PUS10: variants seen among roughly 807,000 people sequenced by gnomAD.
PUS10 encodes pseudouridine synthase 10.
A neutral mutation model predicts 75.0 loss-of-function variants in PUS10; 59 were observed. The ratio of observed to expected loss-of-function variants is 0.79; its 90% CI spans 0.64 to 0.98. The LOEUF is 0.98. Among genes scored for constraint, PUS10 ranks in the 50% least tolerant of loss-of-function variants. The probability of loss-of-function intolerance (pLI) is 0.00; values close to 1 mark genes in which losing one functional copy is unlikely to be tolerated. For missense variants in PUS10, 650 were observed against 614.4 expected (o/e 1.06, Z -0.61); for synonymous variants, 219 against 211.6 (o/e 1.03, Z -0.30).
At chr2:60,947,507 T>A (rs774287564) in intron 16 of PUS10, among the ~76,000 whole-genome samples, 3 of 152,208 alleles carry the variant, frequency 2.0e-5, no homozygotes, top group Non-Finnish European at 2.9e-5. Context: ...TTGAACTGAC[T>A]GCTACCTCAG....
At chr2:60,963,173 A>T (rs1676134676) in intron 8 of PUS10, among the ~76,000 whole-genome samples, 1 of 152,204 alleles carries the variant, frequency 6.6e-6, no homozygotes, top group African/African-American at 2.4e-5. Flanking sequence ...ACACTGTCCC[A>T]CTTCTCTCAA....
intron 4 of PUS10, among the ~76,000 whole-genome samples, chr2:60,979,887 T>C (rs925009007): frequency 6.6e-6 from 1 of 152,192 alleles, no homozygotes; most frequent in Non-Finnish European, 1.5e-5. Flanking sequence ...TGGGGCCAAA[T>C]TAGGTTTTAC....
At chr2:60,989,257 TGCAAAA>T (rs2104550072) in intron 4 of PUS10, among the ~76,000 whole-genome samples, 2 of 152,246 alleles carry the variant, frequency 1.3e-5, no homozygotes, top group African/African-American at 4.8e-5. Flanking sequence ...ATTGACTGTT[TGCAAAA>T]GAGGCAGATT....
chr2:60,964,927 A>G, intron 8 of PUS10, 131 bp downstream of exon 8: 1 of 820,052 alleles, frequency 1.2e-6, no homozygotes, highest in South Asian at 1.7e-5. Flanking sequence ...TAGCAAATGG[A>G]AATATTTAAA....
chr2:60,991,655 ATTT>A (rs1678086242), intron 4 of PUS10, among the ~76,000 whole-genome samples: 4 of 152,154 alleles, frequency 2.6e-5, no homozygotes, highest in Non-Finnish European at 5.9e-5. Flanking sequence ...GGGAGTACCA[ATTT>A]AATTAGTACT....
chr2:60,952,492 T>C (rs559306683), intron 15 of PUS10, among the ~76,000 whole-genome samples: 1 of 152,314 alleles, frequency 6.6e-6, no homozygotes, highest in East Asian at 1.9e-4. Flanking sequence ...GCTTTACATA[T>C]ATTGTCATGT....
At chr2:60,993,316 G>C (rs1269524501) in intron 4 of PUS10, among the ~76,000 whole-genome samples, 1 of 152,104 alleles carries the variant, frequency 6.6e-6, no homozygotes, top group Non-Finnish European at 1.5e-5. Flanking sequence ...AATTAGCCAG[G>C]TGTGGCGGCA....
At chr2:60,979,158 T>C (rs201160781) in intron 4 of PUS10, among the ~76,000 whole-genome samples, 2 of 123,784 alleles carry the variant, frequency 1.6e-5, no homozygotes, top group Admixed American at 1.9e-4. Context: ...CATACACATA[T>C]GCATACATAC....
At position 60,953,926 on chromosome 2, in the gene PUS10, C is replaced by T. The variant is rs1398126648; in HGVS notation, c.1190+7G>A. 2.5e-6 allele frequency: 4 copies of T among 1,613,062 alleles called. No individual in the cohort carries two copies. The highest frequency in any genetic ancestry group is 3.4e-6 in the Non-Finnish European group (4 of 1,179,002). The stretch of plus-strand genomic sequence containing the variant: ...TTTGAAATCATCTCCAATGAGCCTA[C>T]TCTTACCTTGTGACAAGCTGCAAGT... On this transcript the variant is annotated splice_region_variant and intron_variant, in intron 14 of 17. Transcript: ENST00000316752.
intron 1 of PUS10, 125 bp downstream of exon 1, chr2:61,017,883 A>G (rs1208616064): frequency 5.2e-6 from 8 of 1,540,594 alleles, no homozygotes; most frequent in Non-Finnish European, 7.0e-6. Flanking sequence ...CTGTGAGTTT[A>G]GTGGGCCCGA....
chr2:60,998,425 T>A (rs1339797414), intron 4 of PUS10, among the ~76,000 whole-genome samples: 1 of 152,128 alleles, frequency 6.6e-6, no homozygotes, highest in Non-Finnish European at 1.5e-5. Flanking sequence ...GGTGCAGTGG[T>A]TCATGCCTGT....
intron 4 of PUS10, among the ~76,000 whole-genome samples, chr2:60,978,279 G>A (rs193192442): frequency 7.9e-5 from 12 of 151,956 alleles, no homozygotes; most frequent in Middle Eastern, 3.4e-3. Context: ...AAAATTAGCC[G>A]GGTGTGGTGG....
chr2:60,977,380 A>G (rs1335006028), intron 4 of PUS10, among the ~76,000 whole-genome samples: 2 of 152,174 alleles, frequency 1.3e-5, no homozygotes, highest in Non-Finnish European at 2.9e-5. Flanking sequence ...TAAAGATGAA[A>G]CTGGAAAGTT....
chr2:61,000,399 T>G (rs1476149413), intron 4 of PUS10, among the ~76,000 whole-genome samples: 2 of 152,316 alleles, frequency 1.3e-5, no homozygotes, highest in East Asian at 3.9e-4. Context: ...TATAACAAAT[T>G]ATCACAAATT....
chr2:61,006,656 T>C lies in PUS10; in HGVS notation c.382-13A>G. 1 of 1,589,118 alleles carries C rather than the reference T, an allele frequency of 6.3e-7. No homozygotes were observed. Among genetic ancestry groups the C allele is most frequent in the Non-Finnish European group, 8.6e-7 (1 of 1,163,064 alleles). ...CCTTTTGGCACACCTGAAAAAGCAT[T>C]ACAATTATGTAAATTCCCAGGAATT... On this transcript the variant is annotated splice_polypyrimidine_tract_variant and intron_variant, in intron 3 of 17. Transcript: ENST00000316752.
intron 16 of PUS10, among the ~76,000 whole-genome samples, chr2:60,947,687 G>A (rs1277819555): frequency 6.6e-6 from 1 of 151,920 alleles, no homozygotes. Flanking sequence ...AAATTAGTCA[G>A]GCGTGGTGGC....
In PUS10 at chr2:60,960,524, A is replaced by G. The variant is rs1410742147; in HGVS notation, c.875-7T>C. Reference sequence around the variant, plus strand: ...GAGTATTTATTATATCTCCCTGAGAAAGAAATAATCAGATAGCCTGGATGG... The same window carrying G: ...GAGTATTTATTATATCTCCCTGAGAGAGAAATAATCAGATAGCCTGGATGG... On this transcript the variant is annotated splice_polypyrimidine_tract_variant and splice_region_variant and intron_variant, in intron 10 of 17. Transcript: ENST00000316752. 2 of 1,568,356 alleles carry G rather than the reference A, an allele frequency of 1.3e-6. No individual in the cohort carries two copies. The highest frequency in any genetic ancestry group is 2.8e-5 in the African/African-American group (2 of 71,508).
At chr2:61,001,453 T>G (rs1236680123) in intron 4 of PUS10, among the ~76,000 whole-genome samples, 1 of 152,158 alleles carries the variant, frequency 6.6e-6, no homozygotes, top group Non-Finnish European at 1.5e-5. Context: ...ATTTTTGTAT[T>G]TTTAGTAGAG....
At chr2:60,967,645 G>A (rs761684831) in intron 5 of PUS10, 32 bp from the exon 6 acceptor site, 3 of 1,458,676 alleles carry the variant, frequency 2.1e-6, no homozygotes, top group African/African-American at 2.9e-5. Context: ...TCACTGACAT[G>A]AAAAACTTTA....
Sources: allele counts gnomAD v4.1 joint callset (sites outside exome capture counted in the v4.1 genomes callset), GRCh38; gene constraint gnomAD v4.1.1; transcripts MANE v1.5; gene names NCBI Gene and HGNC (gene_info 2026-07-23, HGNC 2026-07-21).